CKMT2: variants seen among roughly 807,000 people sequenced by gnomAD.
CKMT2 encodes creatine kinase, mitochondrial 2.
A neutral mutation model predicts 48.9 loss-of-function variants in CKMT2; 43 were observed. That is an observed-to-expected ratio of 0.88 (90% CI 0.69 to 1.13). CKMT2 has a LOEUF of 1.13. Among genes scored for constraint, CKMT2 ranks in the 50% most tolerant of loss-of-function variants. CKMT2 has a pLI of 0.00. For synonymous variants in CKMT2, 206 were observed against 213.0 expected, an observed-to-expected ratio of 0.97 and a Z score of 0.29; for missense variants, 472 against 555.4, an observed-to-expected ratio of 0.85 and a Z score of 1.51.
At chr5:81,238,023 T>A (rs1756302308) in intron 1 of CKMT2, 1 of 152,168 alleles carries the variant, frequency 6.6e-6, no homozygotes, top group South Asian at 2.1e-4. Flanking sequence ...TAAAATATGA[T>A]AAAGTGCAAC....
intron 4 of CKMT2, 25 bp from the exon 5 acceptor site, chr5:81,254,968 A>G (rs1756946623): frequency 2.5e-6 from 4 of 1,602,398 alleles, no homozygotes; most frequent in Non-Finnish European, 3.4e-6. Context: ...GGCTGGCCAC[A>G]GTGACCCCAC....
intron 9 of CKMT2, among the ~76,000 whole-genome samples, chr5:81,264,477 T>C (rs534110845): frequency 6.6e-6 from 1 of 152,304 alleles, no homozygotes; most frequent in East Asian, 1.9e-4. Context: ...TCCCTACCAG[T>C]AAGTACACTG....
intron 1 of CKMT2, among the ~76,000 whole-genome samples, chr5:81,247,947 A>G: frequency 6.6e-6 from 1 of 152,198 alleles, no homozygotes. Flanking sequence ...ACACAAGGGC[A>G]GTATTGGAAC....
chr5:81,256,831 G>T, intron 5 of CKMT2, 84 bp from the exon 6 acceptor site: 1 of 918,272 alleles, frequency 1.1e-6, no homozygotes, highest in Non-Finnish European at 1.7e-6. Flanking sequence ...ATGATAAGTG[G>T]GTTGGAACTT....
At chr5:81,239,837 G>A (rs1018515851) in intron 1 of CKMT2, among the ~76,000 whole-genome samples, 4 of 152,066 alleles carry the variant, frequency 2.6e-5, no homozygotes, top group East Asian at 1.9e-4. Flanking sequence ...GAATCCCAGC[G>A]CTGCCACTCA....
intron 1 of CKMT2, among the ~76,000 whole-genome samples, chr5:81,248,767 CCTGT>C (rs1756698409): frequency 6.6e-6 from 1 of 152,216 alleles, no homozygotes; most frequent in Non-Finnish European, 1.5e-5. Context: ...TAACCTATAT[CCTGT>C]AACCCCTACT....
chr5:81,260,329 C>T (rs1367445784), intron 8 of CKMT2, among the ~76,000 whole-genome samples: 1 of 152,020 alleles, frequency 6.6e-6, no homozygotes, highest in Non-Finnish European at 1.5e-5. Context: ...TGAAAGCAAA[C>T]AAATTCAAAA....
intron 5 of CKMT2, 43 bp from the exon 6 acceptor site, chr5:81,256,872 C>A: frequency 7.0e-7 from 1 of 1,427,442 alleles, no homozygotes; most frequent in Non-Finnish European, 9.8e-7. Flanking sequence ...CCTGTTTGAT[C>A]TCATCAGTCT....
In CKMT2 at chr5:81,257,802, A is replaced by G. The variant is rs1580453409; in HGVS notation, c.825A>G (p.Glu275=). The G allele has an allele frequency of 6.2e-7, 1 of 1,613,744 alleles. No individual in the cohort carries two copies. Among genetic ancestry groups the G allele is most frequent in the Non-Finnish European group, 8.5e-7 (1 of 1,179,668 alleles). ...ATCACACCAGGGTAATCTCAATGGA[A>G]AAAGGAGGCAATATGAAACGAGTAT... ...EEDHTRVISM[E]KGGNMKRVFE... The change falls in exon 7 of 10, where the codon GAA becomes GAG. Residue 275 remains glutamate, a synonymous_variant. Transcript: ENST00000254035.
rs113221069 is a variant in CKMT2 at position 81,233,494 on chromosome 5, GCTGA to G, written c.-21+121_-21+124del. ...CTGTAGACGGGGACCCCGTTAGGAC[GCTGA>G]CTGCGAGGAGGCAATGGTGACTCGC... is the stretch of plus-strand genomic sequence containing the variant. On this transcript the variant is annotated intron_variant, in intron 1 of 9. Transcript: ENST00000254035. The G allele has an allele frequency of 3.2e-4, 233 of 736,320 alleles. 1 individual carries two copies. In the African/African-American group the frequency reaches 4.2e-3, roughly 13 times the overall value. 45.6% of individuals were successfully genotyped at this position (736,320 alleles called of 1,614,324 possible). A position where few individuals can be genotyped will look rare whatever the true frequency, so the allele number is the denominator to read the frequency against.
Position 81,256,966 on chromosome 5 carries a change from A to C in CKMT2, c.721A>C (p.Met241Leu). ...GTCCCCTTTATTAACATGTGCTGGG[A>C]TGGCCCGTGACTGGCCAGATGCCAG... ...PVSPLLTCAG[M>L]ARDWPDARGI... The change falls in exon 6 of 10, where the codon ATG becomes CTG. Residue 241 changes from methionine to leucine, a missense_variant. Coordinates refer to ENST00000254035, the MANE Select transcript of CKMT2 (RefSeq NM_001099735.2). 6.2e-7 allele frequency: 1 copy of C among 1,614,090 alleles called. No individual in the cohort carries two copies. Among genetic ancestry groups the C allele is most frequent in the Non-Finnish European group, 8.5e-7 (1 of 1,179,964 alleles).
intron 7 of CKMT2, among the ~76,000 whole-genome samples, chr5:81,258,546 C>A (rs935458771): frequency 6.6e-6 from 1 of 152,142 alleles, no homozygotes; most frequent in Non-Finnish European, 1.5e-5. Context: ...ACTATGTTGA[C>A]TGCTTTACAT....
intron 9 of CKMT2, 57 bp downstream of exon 9, chr5:81,263,673 A>G: frequency 6.6e-7 from 1 of 1,522,182 alleles, no homozygotes; most frequent in Non-Finnish European, 8.9e-7. Context: ...AAGAGAGAAT[A>G]GAGAAAAGCA....
chr5:81,233,670 G>GA (rs919901226), intron 1 of CKMT2, among the ~76,000 whole-genome samples: 5 of 150,720 alleles, frequency 3.3e-5, no homozygotes, highest in Admixed American at 2.6e-4. Flanking sequence ...TTTCTCGATG[G>GA]AAAAAAAAAT....
chr5:81,261,768 G>A (rs1466189808), intron 8 of CKMT2, among the ~76,000 whole-genome samples: 2 of 152,156 alleles, frequency 1.3e-5, no homozygotes, highest in African/African-American at 4.8e-5. Flanking sequence ...TGGCCATACT[G>A]CCCAAAGTAA....
intron 5 of CKMT2, 68 bp downstream of exon 5, chr5:81,255,282 C>T (rs1259711603): frequency 1.4e-6 from 2 of 1,383,814 alleles, no homozygotes; most frequent in Non-Finnish European, 2.0e-6. Context: ...AGGAAGGCCT[C>T]TCCTGGTGCT....
chr5:81,251,018 G>A, intron 1 of CKMT2, 95 bp from the exon 2 acceptor site: 3 of 815,106 alleles, frequency 3.7e-6, no homozygotes, highest in Non-Finnish European at 5.9e-6. Flanking sequence ...GGAAAGAGAG[G>A]CTATGGCTCC....
In CKMT2 at chr5:81,254,972, AC is replaced by A. The variant is rs775881280; in HGVS notation, c.448-17del. ...CCATGGTCCGAGGCTGGCCACAGTG[AC>A]CCCACAGTCTGCTTGGCAGATCACC... On this transcript the variant is annotated intron_variant, in intron 4 of 9. Transcript: ENST00000254035. The A allele has an allele frequency of 6.2e-7, 1 of 1,606,524 alleles. No homozygotes were observed. Among genetic ancestry groups the A allele is most frequent in the Non-Finnish European group, 8.5e-7 (1 of 1,173,952 alleles).
At chr5:81,240,715 GTC>G (rs1192435143) in intron 1 of CKMT2, among the ~76,000 whole-genome samples, 1 of 152,154 alleles carries the variant, frequency 6.6e-6, no homozygotes, top group Non-Finnish European at 1.5e-5. Context: ...GTTAGTTAAT[GTC>G]TCTGTTTTTG....
Sources: allele counts gnomAD v4.1 joint callset (sites outside exome capture counted in the v4.1 genomes callset), GRCh38; gene constraint gnomAD v4.1.1; transcripts MANE v1.5; gene names NCBI Gene and HGNC (gene_info 2026-07-23, HGNC 2026-07-21).